Variants in NUMB observed in about 807,000 individuals in gnomAD.
The protein encoded by NUMB is NUMB endocytic adaptor protein, also known as protein numb homolog.
NUMB carries 29 observed loss-of-function variants against 59.7 expected under a neutral mutation model. The observed-to-expected ratio is 0.49, with a 90% CI of 0.36 to 0.66. The LOEUF (loss-of-function observed/expected upper bound fraction) is 0.66, where lower values mean the gene tolerates loss of function less well. Ranked by LOEUF, NUMB falls within the 30% of genes least tolerant of loss-of-function variation. The probability of loss-of-function intolerance (pLI) is 0.00; values close to 1 mark genes in which losing one functional copy is unlikely to be tolerated. For synonymous variants in NUMB, 288 were observed against 288.2 expected, an observed-to-expected ratio of 1.00 and a Z score of 0.01; for missense variants, 723 against 822.0, an observed-to-expected ratio of 0.88 and a Z score of 1.47.
intron 2 of NUMB, among the ~76,000 whole-genome samples, chr14:73,387,752 C>T (rs1288358516): frequency 2.1e-5 from 3 of 140,768 alleles, no homozygotes; most frequent in African/African-American, 8.9e-5. Context: ...AAAACAAAAA[C>T]AAACAAACAA....
chr14:73,335,175 C>T (rs911314512), intron 4 of NUMB, among the ~76,000 whole-genome samples: 1 of 151,640 alleles, frequency 6.6e-6, no homozygotes, highest in Non-Finnish European at 1.5e-5. Flanking sequence ...GCTTTATGAT[C>T]TCTGAGTTAC....
At chr14:73,364,529 A>G (rs775454429) in intron 3 of NUMB, among the ~76,000 whole-genome samples, 13 of 152,102 alleles carry the variant, frequency 8.5e-5, no homozygotes, top group African/African-American at 3.1e-4. Context: ...TTAAAAAAAT[A>G]ATAAAAATAA....
At chr14:73,429,289 G>A (rs547015847) in intron 1 of NUMB, among the ~76,000 whole-genome samples, 1 of 151,856 alleles carries the variant, frequency 6.6e-6, no homozygotes, top group East Asian at 2.0e-4. Context: ...GGAGAATGCC[G>A]TGAACCCAGG....
chr14:73,423,338 GA>G (rs34877673), intron 1 of NUMB, among the ~76,000 whole-genome samples: 12,253 of 111,000 alleles, frequency 0.11, 962 homozygotes, highest in African/African-American at 0.25. Flanking sequence ...TGTCTCTACT[GA>G]AAAAAAAAAA....
chr14:73,301,300 ATC>A (rs1890116557), intron 6 of NUMB, among the ~76,000 whole-genome samples: 1 of 152,252 alleles, frequency 6.6e-6, no homozygotes, highest in Non-Finnish European at 1.5e-5. Context: ...AGTGTTCAGT[ATC>A]TGAGGCAACA....
At chr14:73,350,048 CAT>C (rs1178222998) in intron 4 of NUMB, among the ~76,000 whole-genome samples, 1 of 141,778 alleles carries the variant, frequency 7.1e-6, no homozygotes, top group East Asian at 2.0e-4. Flanking sequence ...GTCTCACATA[CAT>C]ACATACATAT....
intron 6 of NUMB, chr14:73,297,739 A>G (rs1247345740): frequency 6.4e-6 from 1 of 156,414 alleles, no homozygotes; most frequent in Non-Finnish European, 1.4e-5. Context: ...TGACCATTCT[A>G]CTATCCTATG....
chr14:73,296,959 G>GGA (rs1170891939), intron 7 of NUMB, among the ~76,000 whole-genome samples: 2 of 152,214 alleles, frequency 1.3e-5, no homozygotes, highest in Non-Finnish European at 2.9e-5. Context: ...CCTGAGGTCA[G>GGA]GAGTTCGAGA....
intron 2 of NUMB, among the ~76,000 whole-genome samples, chr14:73,397,108 A>G (rs1896175954): frequency 6.6e-6 from 1 of 152,086 alleles, no homozygotes; most frequent in Non-Finnish European, 1.5e-5. Context: ...TGGGCAACAG[A>G]GTGAGTGATA....
At chr14:73,352,477 C>CACACACACACAT (rs1566756099) in intron 4 of NUMB, among the ~76,000 whole-genome samples, 1 of 12,672 alleles carries the variant, frequency 7.9e-5, no homozygotes, top group Non-Finnish European at 1.7e-4. Flanking sequence ...CACACACACA[C>CACACACACACAT]ATATATATAT....
At chr14:73,295,970 A>G (rs1427957943) in intron 7 of NUMB, among the ~76,000 whole-genome samples, 1 of 152,204 alleles carries the variant, frequency 6.6e-6, no homozygotes, top group East Asian at 1.9e-4. Flanking sequence ...TTGAGTTTTG[A>G]GTCAAAAGCC....
At chr14:73,290,372 C>G (rs999831680) in intron 8 of NUMB, among the ~76,000 whole-genome samples, 1 of 152,270 alleles carries the variant, frequency 6.6e-6, no homozygotes, top group East Asian at 1.9e-4. Flanking sequence ...TAATCTTTAT[C>G]CAATTTAGTA....
intron 1 of NUMB, among the ~76,000 whole-genome samples, chr14:73,454,959 G>A (rs1347874008): frequency 6.6e-6 from 1 of 152,052 alleles, no homozygotes; most frequent in Non-Finnish European, 1.5e-5. Context: ...ATAATCCACT[G>A]AACTCAATGC....
At chr14:73,392,435 A>G (rs1306228670) in intron 2 of NUMB, among the ~76,000 whole-genome samples, 2 of 152,246 alleles carry the variant, frequency 1.3e-5, no homozygotes, top group South Asian at 2.1e-4. Flanking sequence ...TTGAAAGAGA[A>G]ATAGATTTTC....
intron 1 of NUMB, among the ~76,000 whole-genome samples, chr14:73,453,003 G>A (rs1884092352): frequency 6.6e-6 from 1 of 152,186 alleles, no homozygotes; most frequent in African/African-American, 2.4e-5. Context: ...CATTCCTCTA[G>A]ATACACTTCC....
At chr14:73,277,796 GCCTGTAAT>G (rs1311683936) in intron 12 of NUMB, among the ~76,000 whole-genome samples, 1 of 151,728 alleles carries the variant, frequency 6.6e-6, no homozygotes, top group Non-Finnish European at 1.5e-5. Context: ...AGTGGCTTAT[GCCTGTAAT>G]CCCAGCACTT....
Position 73,374,188 on chromosome 14 carries a change from T to A in NUMB, c.-100-7207A>T, listed in dbSNP as rs535462130. 3.1e-3 allele frequency among the ~76,000 whole-genome samples: 469 copies of A among 152,176 alleles called. 3 individuals carry two copies. Among genetic ancestry groups the A allele is most frequent in the Non-Finnish European group, 5.0e-3 (339 of 67,998 alleles). ...CCCAGCCGCTCAGCTAATTTTTTTT[T>A]AAAAATGTTCGTAGAGAATTTTCTC... On this transcript the variant is annotated intron_variant, in intron 2 of 12. Transcript: ENST00000555238.
intron 4 of NUMB, among the ~76,000 whole-genome samples, chr14:73,334,486 T>C (rs1476920255): frequency 6.6e-6 from 1 of 152,218 alleles, no homozygotes; most frequent in Non-Finnish European, 1.5e-5. Context: ...AACTGACCTA[T>C]GAAACCATCT....
At chr14:73,378,295 T>G (rs894298850) in intron 2 of NUMB, among the ~76,000 whole-genome samples, 3 of 152,188 alleles carry the variant, frequency 2.0e-5, no homozygotes. Flanking sequence ...CCTCATTCAT[T>G]GTTGATGGGA....
Sources: allele counts gnomAD v4.1 joint callset (sites outside exome capture counted in the v4.1 genomes callset), GRCh38; gene constraint gnomAD v4.1.1; transcripts MANE v1.5; gene names NCBI Gene and HGNC (gene_info 2026-07-23, HGNC 2026-07-21).